The following GABRG3 variants were observed in gnomAD, a reference collection of about 807,000 sequenced individuals.
GABRG3 encodes gamma-aminobutyric acid type A receptor subunit gamma3, also known as gamma-aminobutyric acid receptor subunit gamma-3.
GABRG3 carries 25 observed loss-of-function variants against 48.8 expected under a neutral mutation model. That is an observed-to-expected ratio of 0.51 (90% CI 0.37 to 0.72). The LOEUF (loss-of-function observed/expected upper bound fraction) is 0.72, where lower values mean the gene tolerates loss of function less well. Among genes scored for constraint, GABRG3 ranks in the 30% least tolerant of loss-of-function variants. The pLI is 0.00. For synonymous variants in GABRG3, 227 were observed against 217.6 expected (o/e 1.04, Z -0.38); for missense variants, 394 against 577.9 (o/e 0.68, Z 3.26).
At chr15:27,404,819 TGA>T (rs1481540577) in intron 5 of GABRG3, among the ~76,000 whole-genome samples, 1 of 152,162 alleles carries the variant, frequency 6.6e-6, no homozygotes, top group African/African-American at 2.4e-5. Flanking sequence ...CTCTGACTGG[TGA>T]GGAGTCCTTG....
At chr15:27,133,239 C>T (rs1595543022) in intron 3 of GABRG3, among the ~76,000 whole-genome samples, 2 of 152,084 alleles carry the variant, frequency 1.3e-5, no homozygotes, top group South Asian at 4.1e-4. Context: ...TTAGAAAATA[C>T]TACTTTTTTT....
At chr15:27,396,286 A>G (rs1887295298) in intron 5 of GABRG3, among the ~76,000 whole-genome samples, 1 of 152,238 alleles carries the variant, frequency 6.6e-6, no homozygotes, top group African/African-American at 2.4e-5. Flanking sequence ...AGAGTATGTA[A>G]GGAACACTCA....
intron 7 of GABRG3, among the ~76,000 whole-genome samples, chr15:27,524,847 G>T (rs1891236571): frequency 6.6e-6 from 1 of 152,024 alleles, no homozygotes; most frequent in African/African-American, 2.4e-5. Flanking sequence ...AAATGGGATA[G>T]TTACATCTTA....
At chr15:27,470,592 G>A (rs1889758658) in intron 5 of GABRG3, among the ~76,000 whole-genome samples, 1 of 150,890 alleles carries the variant, frequency 6.6e-6, no homozygotes, top group Admixed American at 6.6e-5. Context: ...TTTATTCACA[G>A]TTTCTACCTT....
chr15:27,387,880 AGG>A (rs1219944866), intron 5 of GABRG3, among the ~76,000 whole-genome samples: 1 of 25,762 alleles, frequency 3.9e-5, no homozygotes, highest in African/African-American at 1.4e-4. Flanking sequence ...GGAGGGAGGG[AGG>A]GGAAGGAGGG....
At chr15:27,386,710 A>G (rs1895933227) in intron 5 of GABRG3, among the ~76,000 whole-genome samples, 1 of 152,200 alleles carries the variant, frequency 6.6e-6, no homozygotes, top group African/African-American at 2.4e-5. Context: ...CCTGGCTAAG[A>G]TGCTACAGAC....
chr15:27,238,519 C>A (rs1435046186), intron 3 of GABRG3, among the ~76,000 whole-genome samples: 1 of 152,202 alleles, frequency 6.6e-6, no homozygotes, highest in Non-Finnish European at 1.5e-5. Context: ...AAATTATGTA[C>A]TGTGTCCCTC....
intron 6 of GABRG3, among the ~76,000 whole-genome samples, chr15:27,516,308 G>C (rs1210353156): frequency 6.6e-6 from 1 of 152,116 alleles, no homozygotes; most frequent in African/African-American, 2.4e-5. Context: ...TATGTTCTCT[G>C]AGAAACATGG....
chr15:27,382,572 A>C (rs1188672679), intron 5 of GABRG3, among the ~76,000 whole-genome samples: 1 of 152,222 alleles, frequency 6.6e-6, no homozygotes. Context: ...GACTTGATTC[A>C]TGCTTTGAAA....
chr15:27,202,022 A>G (rs1888699688), intron 3 of GABRG3, among the ~76,000 whole-genome samples: 1 of 152,184 alleles, frequency 6.6e-6, no homozygotes, highest in African/African-American at 2.4e-5. Context: ...AAGTATATTC[A>G]GCAGCATTTC....
At position 27,188,062 on chromosome 15, in the gene GABRG3, A is replaced by AT. The variant is rs1447047871; in HGVS notation, c.271-138741dup. On this transcript the variant is annotated intron_variant, in intron 3 of 9. Coordinates refer to ENST00000615808, the MANE Select transcript of GABRG3 (RefSeq NM_033223.5). The stretch of plus-strand genomic sequence containing the variant: ...TCCCTACAAAGGACCTGAACTCATC[A>AT]TTTTTTATGGCTGCATAGTATTCCA... Among the ~76,000 whole-genome samples, 7 of 152,070 alleles carry AT rather than the reference A, an allele frequency of 4.6e-5. No homozygotes were observed. The South Asian group carries it at 6.3e-4, about 14-fold the overall frequency.
chr15:27,519,960 A>G lies in GABRG3; in HGVS notation c.713-12A>G. The G allele has an allele frequency of 6.7e-7, 1 of 1,487,952 alleles. No individual in the cohort carries two copies. Among genetic ancestry groups the G allele is most frequent in the Non-Finnish European group, 9.0e-7 (1 of 1,114,784 alleles). The allele number at this position is 1,487,952 out of a possible 1,614,324, so 92.2% of individuals were successfully genotyped here. ...TCAAAGTTGTCTTAATTTTGACAAT[A>G]TTTTATTACAGGTGATTATGTTGTC... On this transcript the variant is annotated splice_polypyrimidine_tract_variant and intron_variant, in intron 6 of 9. Coordinates refer to ENST00000615808, the MANE Select transcript of GABRG3 (RefSeq NM_033223.5).
chr15:26,990,998 T>A (rs553016114), intron 2 of GABRG3, among the ~76,000 whole-genome samples: 1 of 152,168 alleles, frequency 6.6e-6, no homozygotes, highest in Non-Finnish European at 1.5e-5. Context: ...AGAGATGGGA[T>A]TTCACCATGT....
At chr15:27,307,137 TATAC>T (rs545693027) in intron 3 of GABRG3, among the ~76,000 whole-genome samples, 1,333 of 127,542 alleles carry the variant, frequency 0.01, 22 homozygotes, top group African/African-American at 0.043. Context: ...TAAACATGTT[TATAC>T]ATATATAAAC....
intron 3 of GABRG3, among the ~76,000 whole-genome samples, chr15:27,219,049 G>A (rs1363185336): frequency 2.0e-5 from 3 of 152,146 alleles, no homozygotes; most frequent in African/African-American, 7.2e-5. Flanking sequence ...GGAACCACGC[G>A]TGCTCTGACC....
chr15:27,144,572 A>T (rs964883655), intron 3 of GABRG3, among the ~76,000 whole-genome samples: 54 of 152,202 alleles, frequency 3.5e-4, no homozygotes, highest in Non-Finnish European at 6.6e-4. Context: ...TCACCAAAAA[A>T]TTCAAAGGAA....
intron 3 of GABRG3, among the ~76,000 whole-genome samples, chr15:27,322,425 T>C (rs1204475323): frequency 6.6e-6 from 1 of 152,162 alleles, no homozygotes; most frequent in Non-Finnish European, 1.5e-5. Context: ...GAATACTTCA[T>C]GCAAAATTCA....
At chr15:27,192,145 G>A (rs1595576668) in intron 3 of GABRG3, among the ~76,000 whole-genome samples, 2 of 152,198 alleles carry the variant, frequency 1.3e-5, no homozygotes, top group Non-Finnish European at 2.9e-5. Context: ...TTTCTCTCTG[G>A]CTGCCCTTAA....
intron 5 of GABRG3, chr15:27,365,957 G>A (rs1895184175): frequency 6.6e-6 from 1 of 152,158 alleles, no homozygotes; most frequent in South Asian, 2.1e-4. Context: ...TTCCTCAAAT[G>A]TACAGATTTT....
Sources: gnomAD v4.1 joint callset for allele counts (sites outside exome capture counted in the v4.1 genomes callset) on GRCh38, gnomAD v4.1.1 for gene constraint, MANE v1.5 for transcripts, NCBI Gene and HGNC (gene_info 2026-07-23, HGNC 2026-07-21) for gene names.